The following EXOC6B variants were observed in gnomAD, a reference collection of about 807,000 sequenced individuals.
EXOC6B encodes exocyst complex component 6B.
In EXOC6B, 54 loss-of-function variants were observed where a neutral mutation model predicts 113.5. That is an observed-to-expected ratio of 0.48 (90% confidence interval 0.38 to 0.60). The LOEUF (loss-of-function observed/expected upper bound fraction) is 0.60. EXOC6B is among the 20% of genes least tolerant of loss of function. The probability of loss-of-function intolerance (pLI) is 0.00; values close to 1 mark genes in which losing one functional copy is unlikely to be tolerated. For synonymous variants in EXOC6B, 357 were observed against 339.0 expected, an observed-to-expected ratio of 1.05 and a Z score of -0.58; for missense variants, 797 against 977.5, an observed-to-expected ratio of 0.82 and a Z score of 2.46.
At chr2:72,518,929 TAAAGAA>T (rs1444334242) in intron 8 of EXOC6B, among the ~76,000 whole-genome samples, 1 of 152,064 alleles carries the variant, frequency 6.6e-6, no homozygotes, top group African/African-American at 2.4e-5. Context: ...ATATGGGTGA[TAAAGAA>T]TAGGAAGGAA....
chr2:72,725,886 C>T (rs1680270930), intron 5 of EXOC6B, among the ~76,000 whole-genome samples: 1 of 152,220 alleles, frequency 6.6e-6, no homozygotes, highest in Non-Finnish European at 1.5e-5. Context: ...AGTATATTTG[C>T]AAGAAAACTG....
intron 18 of EXOC6B, among the ~76,000 whole-genome samples, chr2:72,421,573 T>C (rs1350930948): frequency 2.0e-5 from 3 of 152,208 alleles, no homozygotes. Context: ...GATGACACTG[T>C]GTAGTTTCAG....
intron 6 of EXOC6B, among the ~76,000 whole-genome samples, chr2:72,674,404 T>C (rs1211179845): frequency 6.6e-6 from 1 of 152,248 alleles, no homozygotes; most frequent in Non-Finnish European, 1.5e-5. Flanking sequence ...TTGGAACCAG[T>C]GCTATCTGAA....
At chr2:72,224,157 C>T (rs1210384210) in intron 20 of EXOC6B, among the ~76,000 whole-genome samples, 2 of 151,994 alleles carry the variant, frequency 1.3e-5, no homozygotes, top group Non-Finnish European at 1.5e-5. Flanking sequence ...TGCTAGTAAT[C>T]AGGGAAATAG....
chr2:72,227,098 T>A (rs1332861477), intron 20 of EXOC6B, among the ~76,000 whole-genome samples: 1 of 151,912 alleles, frequency 6.6e-6, no homozygotes, highest in Non-Finnish European at 1.5e-5. Context: ...AAATAAAAGG[T>A]ATGATAAATA....
At chr2:72,609,623 A>T (rs760781477) in intron 6 of EXOC6B, among the ~76,000 whole-genome samples, 1 of 152,058 alleles carries the variant, frequency 6.6e-6, no homozygotes, top group Non-Finnish European at 1.5e-5. Flanking sequence ...ATTAATATCT[A>T]GGAGTATGAT....
intron 5 of EXOC6B, among the ~76,000 whole-genome samples, chr2:72,728,831 T>G (rs1680468143): frequency 6.6e-6 from 1 of 152,160 alleles, no homozygotes; most frequent in African/African-American, 2.4e-5. Flanking sequence ...CTAGAAATAT[T>G]GGTGAACAGC....
At chr2:72,450,696 T>C (rs1450030888) in intron 18 of EXOC6B, among the ~76,000 whole-genome samples, 1 of 152,198 alleles carries the variant, frequency 6.6e-6, no homozygotes, top group Admixed American at 6.5e-5. Flanking sequence ...ACAGTTAGCA[T>C]CAGTAAAATA....
intron 20 of EXOC6B, among the ~76,000 whole-genome samples, chr2:72,266,299 T>C (rs1447102367): frequency 2.7e-5 from 4 of 150,158 alleles, no homozygotes; most frequent in East Asian, 2.0e-4. Flanking sequence ...TTGCCATTGC[T>C]TTTGGTGTTT....
intron 6 of EXOC6B, among the ~76,000 whole-genome samples, chr2:72,646,547 C>T (rs1673730454): frequency 6.6e-6 from 1 of 152,146 alleles, no homozygotes; most frequent in Admixed American, 6.5e-5. Context: ...ATGCGAAAAT[C>T]CTCAATAAAA....
At chr2:72,274,559 C>T (rs1391406041) in intron 20 of EXOC6B, among the ~76,000 whole-genome samples, 1 of 152,046 alleles carries the variant, frequency 6.6e-6, no homozygotes, top group Non-Finnish European at 1.5e-5. Flanking sequence ...ACACAGGCTG[C>T]TATTAAGGGA....
chr2:72,188,479 TC>T (rs1466702982), intron 20 of EXOC6B, among the ~76,000 whole-genome samples: 5 of 152,190 alleles, frequency 3.3e-5, no homozygotes. Context: ...CATATGGCCT[TC>T]TCTGAGACAG....
At chr2:72,467,402 A>C (rs941685591) in intron 17 of EXOC6B, among the ~76,000 whole-genome samples, 1 of 152,040 alleles carries the variant, frequency 6.6e-6, no homozygotes, top group Non-Finnish European at 1.5e-5. Context: ...TTTTGGGGGA[A>C]CCTCCATACT....
rs1310548291 is a variant in EXOC6B at position 72,334,978 on chromosome 2, G to A, written c.2165C>T (p.Thr722Met). ...SGPVPGFQED[T>M]LQLAFIDLRQ... ...CAAGTCGATGAAGGCCAACTGCAGC[G>A]TGTCCTCCTGGAACCCAGGCACCGG... The change falls in exon 20 of 22, where the codon ACG becomes ATG. Residue 722 changes from threonine to methionine, a missense_variant. Thr to Met is a moderately conservative substitution (Grantham distance 81). Coordinates refer to ENST00000272427, the MANE Select transcript of EXOC6B (RefSeq NM_015189.3). The A allele has an allele frequency of 1.2e-5, 19 of 1,613,240 alleles. No individual in the cohort carries two copies. The highest frequency in any genetic ancestry group is 3.3e-5 in the Admixed American group (2 of 59,948).
At chr2:72,587,523 G>A (rs948812481) in intron 6 of EXOC6B, among the ~76,000 whole-genome samples, 1 of 152,048 alleles carries the variant, frequency 6.6e-6, no homozygotes, top group Non-Finnish European at 1.5e-5. Context: ...AGAATCACAC[G>A]TGTAACAAAC....
chr2:72,574,234 TA>T (rs1558809017), intron 7 of EXOC6B, among the ~76,000 whole-genome samples: 1 of 152,164 alleles, frequency 6.6e-6, no homozygotes, highest in Non-Finnish European at 1.5e-5. Flanking sequence ...TCAAATAGTT[TA>T]AACATTGCCA....
intron 6 of EXOC6B, among the ~76,000 whole-genome samples, chr2:72,600,078 A>G (rs1670316757): frequency 6.6e-6 from 1 of 152,182 alleles, no homozygotes; most frequent in South Asian, 2.1e-4. Context: ...AAGACACAGA[A>G]TAGCCAACAT....
At chr2:72,629,987 T>C (rs1476253874) in intron 6 of EXOC6B, among the ~76,000 whole-genome samples, 1 of 152,178 alleles carries the variant, frequency 6.6e-6, no homozygotes, top group Non-Finnish European at 1.5e-5. Flanking sequence ...CATTATGCTT[T>C]CTCTATTATA....
intron 8 of EXOC6B, among the ~76,000 whole-genome samples, chr2:72,521,184 G>A (rs760199318): frequency 8.5e-5 from 13 of 152,146 alleles, no homozygotes; most frequent in Admixed American, 2.6e-4. Flanking sequence ...TCTGCCATGT[G>A]GGCAGAAGAG....
Sources: allele counts gnomAD v4.1 joint callset (sites outside exome capture counted in the v4.1 genomes callset), GRCh38; gene constraint gnomAD v4.1.1; transcripts MANE v1.5; gene names NCBI Gene and HGNC (gene_info 2026-07-23, HGNC 2026-07-21).